The following NCKAP5 variants were observed in gnomAD, a reference collection of about 807,000 sequenced individuals.
NCKAP5 encodes nck-associated protein 5.
Under a neutral mutation model 167.0 loss-of-function variants are expected in NCKAP5, and 92 were observed. That is an observed-to-expected ratio of 0.55 (90% CI 0.47 to 0.66). NCKAP5 has a LOEUF of 0.66. Among genes scored for constraint, NCKAP5 ranks in the 30% least tolerant of loss-of-function variants. The pLI, the probability that NCKAP5 is intolerant of heterozygous loss-of-function variation, is 0.00. For synonymous variants in NCKAP5, 891 were observed against 877.4 expected (o/e 1.02, Z -0.27); for missense variants, 2,378 against 2,315.0 (o/e 1.03, Z -0.56).
chr2:133,239,319 C>T (rs1280618101), intron 4 of NCKAP5, among the ~76,000 whole-genome samples: 2 of 152,156 alleles, frequency 1.3e-5, no homozygotes, highest in Non-Finnish European at 2.9e-5. Context: ...CAGCAAAACT[C>T]CAACTGCTAG....
chr2:132,729,257 A>G (rs1050527749), intron 17 of NCKAP5, among the ~76,000 whole-genome samples: 1 of 152,224 alleles, frequency 6.6e-6, no homozygotes, highest in Non-Finnish European at 1.5e-5. Context: ...TTCAGGAAAC[A>G]CTAAAGTTAT....
intron 3 of NCKAP5, among the ~76,000 whole-genome samples, chr2:133,515,311 A>G (rs1460975920): frequency 6.6e-6 from 1 of 152,084 alleles, no homozygotes; most frequent in Non-Finnish European, 1.5e-5. Flanking sequence ...GCAAAATTGT[A>G]GTAACTTGGC....
At chr2:133,660,682 G>A in the NCKAP5 span, among the ~76,000 whole-genome samples, 1 of 151,238 alleles carries the variant, frequency 6.6e-6, no homozygotes, top group African/African-American at 2.4e-5. Context: ...TAGAACATTC[G>A]CTGGACGAAA....
At chr2:133,131,282 C>T (rs1010438092) in intron 5 of NCKAP5, among the ~76,000 whole-genome samples, 3 of 152,172 alleles carry the variant, frequency 2.0e-5, no homozygotes, top group Admixed American at 1.3e-4. Flanking sequence ...CTGCCTAGGT[C>T]TCTCGGTTGA....
rs746238771 is a variant in NCKAP5 at position 132,784,568 on chromosome 2, A to G, written c.2243T>C (p.Val748Ala). 15 of 1,584,288 alleles carry G rather than the reference A, an allele frequency of 9.5e-6. No homozygotes were observed. The highest frequency in any genetic ancestry group is 1.3e-5 in the Non-Finnish European group (15 of 1,164,344). ...DTEKNIPKDNVDNVPRVSTES... is the reference protein window; with the variant it reads ...DTEKNIPKDNADNVPRVSTES... ...AGTGGACACCCTGGGAACATTATCT[A>G]CATTATCTTTTGGAATGTTTTTCTC... The change falls in exon 14 of 20, where the codon GTA becomes GCA. Residue 748 changes from valine (V) to alanine (A), a missense_variant. Val to Ala is a moderately conservative substitution (Grantham distance 64, BLOSUM62 0). Around this residue, in one of 3 missense-constraint regions of NCKAP5, gnomAD observed 1,049 missense variants for 1,023.4 expected, o/e 1.02. Coordinates refer to ENST00000409261, the MANE Select transcript of NCKAP5 (RefSeq NM_207363.3).
chr2:132,691,480 C>G (rs766153982), intron 19 of NCKAP5, among the ~76,000 whole-genome samples: 1 of 151,998 alleles, frequency 6.6e-6, no homozygotes, highest in Non-Finnish European at 1.5e-5. Flanking sequence ...TCACACATAC[C>G]CCTCCTTCAG....
intron 11 of NCKAP5, among the ~76,000 whole-genome samples, chr2:132,850,734 G>C (rs1017031948): frequency 6.6e-6 from 1 of 152,032 alleles, no homozygotes; most frequent in Non-Finnish European, 1.5e-5. Context: ...CTCCTAATGA[G>C]ACACTCTTGC....
At chr2:133,539,534 A>G (rs1416758976) in intron 2 of NCKAP5, among the ~76,000 whole-genome samples, 1 of 152,226 alleles carries the variant, frequency 6.6e-6, no homozygotes, top group Non-Finnish European at 1.5e-5. Context: ...ATAGAATACC[A>G]ATCATAAAAA....
intron 5 of NCKAP5, among the ~76,000 whole-genome samples, chr2:133,212,330 T>TA (rs1428506655): frequency 1.3e-5 from 2 of 152,198 alleles, no homozygotes; most frequent in African/African-American, 4.8e-5. Context: ...GCCTTTATTT[T>TA]CTCCCTCTTG....
Position 133,001,638 on chromosome 2 carries a change from A to G in NCKAP5, c.342-7399T>C, listed in dbSNP as rs112689406. Among the ~76,000 whole-genome samples, 135 of 152,304 alleles carry G rather than the reference A, an allele frequency of 8.9e-4. 1 individual carries two copies. The highest frequency in any genetic ancestry group is 3.2e-3 in the African/African-American group (133 of 41,570). On this transcript the variant is annotated intron_variant, in intron 6 of 19. Coordinates refer to ENST00000409261, the MANE Select transcript of NCKAP5 (RefSeq NM_207363.3). ...GGAACTGTTTGACTCCAAACTTGTAATCTTTTTCTACTGTGCCACATCAGC... is the reference window on the plus strand; with the variant it reads ...GGAACTGTTTGACTCCAAACTTGTAGTCTTTTTCTACTGTGCCACATCAGC...
In NCKAP5 at chr2:132,784,579, T is replaced by C. The variant is rs1683382155; in HGVS notation, c.2232A>G (p.Pro744=). 3.1e-6 allele frequency: 5 copies of C among 1,588,962 alleles called. No individual in the cohort carries two copies. In the East Asian group the frequency reaches 1.1e-4, roughly 36 times the overall value. The change falls in exon 14 of 20, where the codon CCA becomes CCG. Residue 744 remains proline, a synonymous_variant. Coordinates refer to ENST00000409261, the MANE Select transcript of NCKAP5 (RefSeq NM_207363.3). The part of the protein sequence containing the change: ...RSEEDTEKNI[P]KDNVDNVPRV... ...TGGGAACATTATCTACATTATCTTT[T>C]GGAATGTTTTTCTCAGTGTCCTCTT...
At chr2:133,458,497 C>G (rs181320836) in intron 3 of NCKAP5, among the ~76,000 whole-genome samples, 3 of 152,112 alleles carry the variant, frequency 2.0e-5, no homozygotes, top group African/African-American at 7.2e-5. Context: ...GCTGTCCAAC[C>G]AAAACGATGA....
intron 8 of NCKAP5, among the ~76,000 whole-genome samples, chr2:132,933,879 T>C (rs757560388): frequency 6.6e-6 from 1 of 152,222 alleles, no homozygotes; most frequent in Non-Finnish European, 1.5e-5. Flanking sequence ...ACAATAGCTC[T>C]AATTTAACTG....
At chr2:133,469,763 A>C (rs1384175763) in intron 3 of NCKAP5, among the ~76,000 whole-genome samples, 22 of 151,332 alleles carry the variant, frequency 1.5e-4, no homozygotes, top group Non-Finnish European at 2.4e-4. Context: ...CATTCATTTC[A>C]TCTTCCATTG....
Position 133,519,880 on chromosome 2 carries a change from C to T in NCKAP5, c.-61-2293G>A, listed in dbSNP as rs191861076. ...GGTACAGTATGAAGGAAATAACCTC[C>T]AGCAGGTGGTGCCAAAGTGCCAAGC... On this transcript the variant is annotated intron_variant, in intron 2 of 19. Transcript: ENST00000409261. Among the ~76,000 whole-genome samples the T allele has an allele frequency of 1.5e-3, 228 of 152,168 alleles. 1 individual carries two copies. Among genetic ancestry groups the T allele is most frequent in the African/African-American group, 5.2e-3 (216 of 41,520 alleles).
intron 2 of NCKAP5, among the ~76,000 whole-genome samples, chr2:133,551,246 T>A (rs867403575): frequency 2.8e-4 from 41 of 144,764 alleles, no homozygotes; most frequent in South Asian, 4.4e-4. Context: ...AAAACTACTT[T>A]AAAGTTCATA....
intron 16 of NCKAP5, among the ~76,000 whole-genome samples, chr2:132,744,646 AC>A (rs1334960013): frequency 4.0e-5 from 6 of 149,452 alleles, no homozygotes; most frequent in Non-Finnish European, 1.5e-5. Context: ...AAAAAAAAAA[AC>A]AATTTAAAAA....
At chr2:132,923,628 G>T (rs529369451) in intron 8 of NCKAP5, among the ~76,000 whole-genome samples, 2 of 151,954 alleles carry the variant, frequency 1.3e-5, no homozygotes, top group Non-Finnish European at 2.9e-5. Flanking sequence ...GAGAATAAAA[G>T]AAACTAAACT....
In NCKAP5 at chr2:133,468,711, A is replaced by G. The variant is rs555242108; in HGVS notation, c.69+48747T>C. 2.6e-5 allele frequency among the ~76,000 whole-genome samples: 4 copies of G among 152,320 alleles called. No homozygotes were observed. The East Asian group carries it at 7.7e-4, about 29-fold the overall frequency. ...TGGTGCTCCTGTATTGGGTGCATAT[A>G]TATTTAGGATAGTCAGCTGTTCTTG... On this transcript the variant is annotated intron_variant, in intron 3 of 19. Coordinates refer to ENST00000409261, the MANE Select transcript of NCKAP5 (RefSeq NM_207363.3).
Sources: gnomAD v4.1 joint callset for allele counts (sites outside exome capture counted in the v4.1 genomes callset) on GRCh38, gnomAD v4.1.1 for gene constraint, gnomAD v4.1.1 regional missense constraint, MANE v1.5 for transcripts, NCBI Gene and HGNC (gene_info 2026-07-23, HGNC 2026-07-21) for gene names.